Variants in ATG10 observed in about 807,000 individuals in gnomAD.
The protein encoded by ATG10 is autophagy related 10.
Under a neutral mutation model 32.1 loss-of-function variants are expected in ATG10, and 30 were observed. The ratio of observed to expected loss-of-function variants is 0.94; its 90% CI spans 0.70 to 1.27. The LOEUF is 1.27. Ranked by LOEUF, ATG10 falls within the 50% of genes most tolerant of loss-of-function variation. The pLI is 0.00. For synonymous variants in ATG10, 87 were observed against 91.5 expected (o/e 0.95, Z 0.28); for missense variants, 233 against 262.3 (o/e 0.89, Z 0.77).
chr5:82,139,188 A>G (rs891815684), intron 3 of ATG10, among the ~76,000 whole-genome samples: 5 of 144,252 alleles, frequency 3.5e-5, no homozygotes, highest in South Asian at 2.3e-4. Flanking sequence ...ATCTCGGCTC[A>G]CTACAACCTA....
At chr5:82,196,766 C>T (rs367852383) in intron 5 of ATG10, among the ~76,000 whole-genome samples, 1 of 152,138 alleles carries the variant, frequency 6.6e-6, no homozygotes, top group African/African-American at 2.4e-5. Context: ...CCTTTGTCAG[C>T]GTCACACTGT....
chr5:82,186,367 T>C (rs1163277657), intron 5 of ATG10, among the ~76,000 whole-genome samples: 1 of 152,196 alleles, frequency 6.6e-6, no homozygotes, highest in African/African-American at 2.4e-5. Context: ...GTTTTAGCAG[T>C]ATTCAGTGAT....
chr5:82,240,074 A>G (rs1746725795), intron 5 of ATG10, among the ~76,000 whole-genome samples: 1 of 152,192 alleles, frequency 6.6e-6, no homozygotes, highest in African/African-American at 2.4e-5. Flanking sequence ...GTTGGTGGGA[A>G]TGTAAGTTAG....
chr5:82,038,573 G>A (rs1054046284), intron 2 of ATG10, among the ~76,000 whole-genome samples: 2 of 152,156 alleles, frequency 1.3e-5, no homozygotes, highest in Non-Finnish European at 2.9e-5. Flanking sequence ...TGCTCAAGAG[G>A]TGTCCAATAC....
chr5:82,212,264 T>C (rs1210025719), intron 5 of ATG10, among the ~76,000 whole-genome samples: 1 of 152,198 alleles, frequency 6.6e-6, no homozygotes, highest in Non-Finnish European at 1.5e-5. Flanking sequence ...TCTGTTACTA[T>C]GGGAAAAGAG....
chr5:82,053,499 T>C (rs949183578), intron 2 of ATG10, among the ~76,000 whole-genome samples: 2 of 152,190 alleles, frequency 1.3e-5, no homozygotes, highest in Non-Finnish European at 2.9e-5. Context: ...TACCAGTCTT[T>C]TATGACTTCT....
At chr5:82,236,808 G>A (rs1746573007) in intron 5 of ATG10, among the ~76,000 whole-genome samples, 1 of 152,106 alleles carries the variant, frequency 6.6e-6, no homozygotes, top group Non-Finnish European at 1.5e-5. Flanking sequence ...AGTAAAGTGT[G>A]GCTCACTTGT....
intron 3 of ATG10, among the ~76,000 whole-genome samples, chr5:82,127,704 T>C (rs1581716542): frequency 6.6e-6 from 1 of 152,174 alleles, no homozygotes. Context: ...TTTCCAATTA[T>C]GTGGTTGATT....
intron 2 of ATG10, among the ~76,000 whole-genome samples, chr5:82,031,354 T>C (rs1762737125): frequency 6.6e-6 from 1 of 152,198 alleles, no homozygotes; most frequent in African/African-American, 2.4e-5. Context: ...AAAAAATGTG[T>C]TGCTAGTGTA....
intron 3 of ATG10, among the ~76,000 whole-genome samples, chr5:82,137,427 C>G (rs1379710475): frequency 6.6e-6 from 1 of 152,156 alleles, no homozygotes; most frequent in Non-Finnish European, 1.5e-5. Flanking sequence ...GATATTGATG[C>G]TATGTTCCTT....
intron 3 of ATG10, among the ~76,000 whole-genome samples, chr5:82,075,713 A>C (rs1030387568): frequency 1.3e-5 from 2 of 152,156 alleles, no homozygotes; most frequent in Non-Finnish European, 2.9e-5. Flanking sequence ...AGGCAGGTAG[A>C]TCACTTGAGG....
chr5:82,067,035 G>C (rs986322863), intron 3 of ATG10, among the ~76,000 whole-genome samples: 19 of 152,138 alleles, frequency 1.2e-4, no homozygotes, highest in Non-Finnish European at 2.4e-4. Context: ...GAAGCATGTG[G>C]AGTAGTCAGT....
chr5:82,192,112 C>T (rs1744686363), intron 5 of ATG10, among the ~76,000 whole-genome samples: 1 of 152,236 alleles, frequency 6.6e-6, no homozygotes, highest in South Asian at 2.1e-4. Flanking sequence ...TTCACAGAGG[C>T]TTCACTGTCC....
intron 3 of ATG10, among the ~76,000 whole-genome samples, chr5:82,068,792 G>A (rs185571959): frequency 6.7e-5 from 10 of 149,154 alleles, no homozygotes; most frequent in African/African-American, 2.4e-4. Context: ...ACAATAGGTT[G>A]TTGGGGGTTT....
At chr5:82,092,891 A>G (rs1050234451) in intron 3 of ATG10, among the ~76,000 whole-genome samples, 2 of 152,212 alleles carry the variant, frequency 1.3e-5, no homozygotes, top group East Asian at 1.9e-4. Flanking sequence ...ATCTCTTGAT[A>G]TCCAAATGTT....
intron 3 of ATG10, among the ~76,000 whole-genome samples, chr5:82,094,079 C>T (rs1436924025): frequency 6.6e-6 from 1 of 152,130 alleles, no homozygotes; most frequent in African/African-American, 2.4e-5. Flanking sequence ...TTTTTCTATG[C>T]TGCTCTCTCC....
chr5:82,206,361 C>T (rs1308391139), intron 5 of ATG10, among the ~76,000 whole-genome samples: 6 of 152,032 alleles, frequency 3.9e-5, no homozygotes, highest in Non-Finnish European at 7.4e-5. Flanking sequence ...TTTTAAAAAA[C>T]TTCTCACCGG....
At chr5:82,046,026 AG>A (rs1457532056) in intron 2 of ATG10, among the ~76,000 whole-genome samples, 1 of 152,114 alleles carries the variant, frequency 6.6e-6, no homozygotes, top group Non-Finnish European at 1.5e-5. Flanking sequence ...TTTGGCTTCC[AG>A]CAGTAGCCCT....
intron 3 of ATG10, among the ~76,000 whole-genome samples, chr5:82,099,260 T>G (rs1457833967): frequency 1.3e-5 from 2 of 152,202 alleles, no homozygotes; most frequent in Admixed American, 1.3e-4. Context: ...TTTTAAAAAG[T>G]ACATCGATTG....
Sources: allele counts gnomAD v4.1 joint callset (sites outside exome capture counted in the v4.1 genomes callset), GRCh38; gene constraint gnomAD v4.1.1; transcripts MANE v1.5; gene names NCBI Gene and HGNC (gene_info 2026-07-23, HGNC 2026-07-21).